The following ANKH variants were observed in gnomAD, a reference collection of about 807,000 sequenced individuals.
ANKH encodes mineralization regulator ANKH.
In ANKH, 15 loss-of-function variants were observed where a neutral mutation model predicts 49.0. That is an observed-to-expected ratio of 0.31 (90% CI 0.20 to 0.47). The LOEUF (loss-of-function observed/expected upper bound fraction) is 0.47. ANKH is among the 20% of genes least tolerant of loss of function. The probability of loss-of-function intolerance (pLI) is 1.00; values close to 1 mark genes in which losing one functional copy is unlikely to be tolerated. For missense variants in ANKH, 429 were observed against 652.0 expected (o/e 0.66, Z 3.72); for synonymous variants, 273 against 260.0 (o/e 1.05, Z -0.48).
chr5:14,858,652 G>C (rs1735370143), intron 1 of ANKH, among the ~76,000 whole-genome samples: 1 of 151,684 alleles, frequency 6.6e-6, no homozygotes, highest in Non-Finnish European at 1.5e-5. Context: ...GGAGGCGGGG[G>C]TTGCAGTGAG....
Position 14,838,435 on chromosome 5 carries a change from A to AAACAAG in ANKH, c.96+32911_96+32916dup, listed in dbSNP as rs1207233445. Among the ~76,000 whole-genome samples the AAACAAG allele has an allele frequency of 1.8e-3, 277 of 151,246 alleles. 1 individual carries two copies. Among genetic ancestry groups the AAACAAG allele is most frequent in the African/African-American group, 6.3e-3 (263 of 41,444 alleles). ...ATTAAAAAAGTATAATTAAATAAAT[A>AAACAAG]AACAAGAAAAAGAAAAAAAAATCAC... On this transcript the variant is annotated intron_variant, in intron 1 of 11. Coordinates refer to ENST00000284268, the MANE Select transcript of ANKH (RefSeq NM_054027.6).
chr5:14,801,126 T>C (rs1331068906), intron 1 of ANKH, among the ~76,000 whole-genome samples: 1 of 152,228 alleles, frequency 6.6e-6, no homozygotes, highest in African/African-American at 2.4e-5. Flanking sequence ...GAAGCCGCAA[T>C]AGCTCCAAGG....
At chr5:14,764,185 T>G (rs1739186154) in intron 2 of ANKH, among the ~76,000 whole-genome samples, 1 of 152,212 alleles carries the variant, frequency 6.6e-6, no homozygotes, top group African/African-American at 2.4e-5. Flanking sequence ...GTCACATGAT[T>G]TGGCAGTTCC....
intron 9 of ANKH, among the ~76,000 whole-genome samples, chr5:14,716,492 C>CAATAAATAAATA (rs372301335): frequency 9.4e-4 from 143 of 151,562 alleles, no homozygotes; most frequent in African/African-American, 3.3e-3. Flanking sequence ...ACTCTGTCTC[C>CAATAAATAAATA]AATAAATAAA....
At chr5:14,771,439 C>A (rs1446258794) in intron 1 of ANKH, among the ~76,000 whole-genome samples, 1 of 152,202 alleles carries the variant, frequency 6.6e-6, no homozygotes, top group Non-Finnish European at 1.5e-5. Flanking sequence ...CAAATGGTAG[C>A]AGCTCTCCTG....
At chr5:14,712,069 T>G (rs1406645796) in intron 11 of ANKH, among the ~76,000 whole-genome samples, 1 of 152,240 alleles carries the variant, frequency 6.6e-6, no homozygotes, top group Non-Finnish European at 1.5e-5. Context: ...ATCATTTCCC[T>G]ACCCTGCTTT....
intron 1 of ANKH, among the ~76,000 whole-genome samples, chr5:14,852,961 C>T (rs555124586): frequency 3.3e-5 from 5 of 152,166 alleles, no homozygotes; most frequent in East Asian, 1.9e-4. Context: ...CCCTCCTGTC[C>T]GCCAAACCGT....
intron 1 of ANKH, among the ~76,000 whole-genome samples, chr5:14,832,484 G>C (rs1344068100): frequency 6.6e-6 from 1 of 152,156 alleles, no homozygotes; most frequent in African/African-American, 2.4e-5. Flanking sequence ...ATGGTCCTAA[G>C]GGTAGAGGGG....
chr5:14,711,019 G>A lies in ANKH; in HGVS notation c.*178C>T, dbSNP rs938494039. 13 of 658,974 alleles carry A rather than the reference G, an allele frequency of 2.0e-5. No individual in the cohort carries two copies. Among genetic ancestry groups the A allele is most frequent in the African/African-American group, 1.2e-4 (7 of 56,254 alleles). 40.8% of individuals were successfully genotyped at this position (658,974 alleles called of 1,614,324 possible). A position where few individuals can be genotyped will look rare whatever the true frequency, so the allele number is the denominator to read the frequency against. On this transcript the variant is annotated 3_prime_UTR_variant, in exon 12 of 12. Coordinates refer to ENST00000284268, the MANE Select transcript of ANKH (RefSeq NM_054027.6). ...TAAAGACCATTCACTAGGTCCCCCC[G>A]TCAGTGTGAGCATACCCAGTATGCT...
At chr5:14,849,445 G>T (rs1742063090) in intron 1 of ANKH, among the ~76,000 whole-genome samples, 1 of 152,160 alleles carries the variant, frequency 6.6e-6, no homozygotes, top group African/African-American at 2.4e-5. Context: ...ATTATTACGG[G>T]TTCTTAAACT....
At chr5:14,804,752 ACT>A (rs1357883728) in intron 1 of ANKH, among the ~76,000 whole-genome samples, 2 of 152,084 alleles carry the variant, frequency 1.3e-5, no homozygotes, top group East Asian at 1.9e-4. Context: ...AGAAATAAAG[ACT>A]CTATCAGCGC....
intron 1 of ANKH, among the ~76,000 whole-genome samples, chr5:14,803,077 G>C (rs1740610143): frequency 6.6e-6 from 1 of 152,134 alleles, no homozygotes; most frequent in Non-Finnish European, 1.5e-5. Context: ...AAATCAGTTT[G>C]ATAGGTCACA....
At chr5:14,761,521 C>T (rs1026062023) in intron 2 of ANKH, among the ~76,000 whole-genome samples, 1 of 152,100 alleles carries the variant, frequency 6.6e-6, no homozygotes, top group African/African-American at 2.4e-5. Context: ...AGGGCATCCC[C>T]TTTAATTATC....
intron 1 of ANKH, among the ~76,000 whole-genome samples, chr5:14,858,762 AT>A (rs1309753923): frequency 2.0e-4 from 30 of 147,280 alleles, no homozygotes; most frequent in Middle Eastern, 3.5e-3. Context: ...AATAAATAAA[AT>A]AAAATAAAAT....
chr5:14,865,777 A>AT (rs761817909), intron 1 of ANKH, among the ~76,000 whole-genome samples: 19 of 152,130 alleles, frequency 1.2e-4, no homozygotes, highest in Non-Finnish European at 2.5e-4. Flanking sequence ...TCTCCAAGCT[A>AT]TTTTTCCTGG....
At position 14,818,796 on chromosome 5, in the gene ANKH, A is replaced by G. The variant is rs556824877; in HGVS notation, c.97-49605T>C. Among the ~76,000 whole-genome samples, 4 of 152,288 alleles carry G rather than the reference A, an allele frequency of 2.6e-5. No homozygotes were observed. The East Asian group carries it at 7.7e-4, about 29-fold the overall frequency. ...GCCCTTGATTCTTTTACAAAGAAAT[A>G]AAAAGCCTCACTGAAACCTCATCGT... On this transcript the variant is annotated intron_variant, in intron 1 of 11. Coordinates refer to ENST00000284268, the MANE Select transcript of ANKH (RefSeq NM_054027.6).
At position 14,765,934 on chromosome 5, in the gene ANKH, G is replaced by A. The variant is rs1349768253; in HGVS notation, c.313+3041C>T. Among the ~76,000 whole-genome samples, 4 of 152,344 alleles carry A rather than the reference G, an allele frequency of 2.6e-5. No individual in the cohort carries two copies. In the East Asian group the frequency reaches 5.8e-4, roughly 22 times the overall value. ...GGGATTGGTAAATTATTAGTAAATA[G>A]TGAAAAGTATGAAGTGTCAAAGTTC... On this transcript the variant is annotated intron_variant, in intron 2 of 11. Coordinates refer to ENST00000284268, the MANE Select transcript of ANKH (RefSeq NM_054027.6).
chr5:14,759,293 AG>A, intron 2 of ANKH, among the ~76,000 whole-genome samples: 1 of 152,344 alleles, frequency 6.6e-6, no homozygotes, highest in East Asian at 1.9e-4. Flanking sequence ...ATAGGCACTC[AG>A]CCAGTACGGG....
At chr5:14,742,105 C>A (rs963349489) in intron 7 of ANKH, among the ~76,000 whole-genome samples, 183 bp from the exon 8 acceptor site, 1 of 152,206 alleles carries the variant, frequency 6.6e-6, no homozygotes, top group Non-Finnish European at 1.5e-5. Flanking sequence ...GGTCCCTGTA[C>A]AGGATCATTA....
Sources: gnomAD v4.1 joint callset for allele counts (sites outside exome capture counted in the v4.1 genomes callset) on GRCh38, gnomAD v4.1.1 for gene constraint, MANE v1.5 for transcripts, NCBI Gene and HGNC (gene_info 2026-07-23, HGNC 2026-07-21) for gene names.